PDZD4: variants seen among roughly 807,000 people sequenced by gnomAD.
The protein encoded by PDZD4 is PDZ domain-containing protein 4.
In PDZD4, 9 loss-of-function variants were observed where a neutral mutation model predicts 38.5. That is an observed-to-expected ratio of 0.23 (90% CI 0.14 to 0.41). The LOEUF is 0.41. Ranked by LOEUF, PDZD4 falls within the 10% of genes least tolerant of loss-of-function variation. The pLI is 1.00. For missense variants in PDZD4, 612 were observed against 722.0 expected (o/e 0.85, Z 1.75); for synonymous variants, 349 against 315.7 (o/e 1.11, Z -1.12).
rs781820579 is a variant in PDZD4, at chrX:153,820,628, A to T, written c.60+9611T>A. Among the ~76,000 whole-genome samples the T allele has an allele frequency of 1.9e-3, 216 of 111,773 alleles. 1 individual carries two copies. Among genetic ancestry groups the T allele is most frequent in the African/African-American group, 6.2e-3 (191 of 30,758 alleles). ...ATGTCTCCTCTCTAATCTAGAAAAA[A>T]ATATATATATTTTTTACTTTAATGG... On this transcript the variant is annotated intron_variant, in intron 1 of 7. Coordinates refer to ENST00000393758, the MANE Select transcript of PDZD4 (RefSeq NM_001303512.2).
In PDZD4 at chrX:153,804,525, C is replaced by T. The variant is rs782411082; in HGVS notation, c.1156G>A (p.Ala386Thr). 13 of 1,208,573 alleles carry T rather than the reference C, an allele frequency of 1.1e-5. No homozygotes were observed. In the East Asian group the frequency reaches 3.8e-4, roughly 36 times the overall value. ...GNQLGLLFPRASGGNSALDVN... is the reference protein window; with the variant it reads ...GNQLGLLFPRTSGGNSALDVN... ...TCCAGGGCGCTGTTGCCTCCGGAGG[C>T]CCGGGGAAAGAGGAGGCCCAGCTGG... The change falls in exon 8 of 8, where the codon GCC becomes ACC. Residue 386 changes from alanine to threonine, a missense_variant. Ala to Thr is a moderately conservative substitution (Grantham distance 58). Coordinates refer to ENST00000393758, the MANE Select transcript of PDZD4 (RefSeq NM_001303512.2).
At chrX:153,823,599 G>T (rs782056209) in intron 1 of PDZD4, among the ~76,000 whole-genome samples, 2 of 110,096 alleles carry the variant, frequency 1.8e-5, no homozygotes, top group African/African-American at 6.6e-5. Context: ...TGATCCACCC[G>T]CCTCGGCCTC....
In PDZD4 at chrX:153,802,956, G is replaced by T. The variant is rs1394586601; in HGVS notation, c.*397C>A. On this transcript the variant is annotated 3_prime_UTR_variant, in exon 8 of 8. Transcript: ENST00000393758. ...CAGCAGCGAAGCCGGACACTCTCTT[G>T]TGCTCCTTTCAGCTCAGCTTCCCTG... 1 of 137,609 alleles carries T rather than the reference G, an allele frequency of 7.3e-6. No individual in the cohort carries two copies. The highest frequency in any genetic ancestry group is 1.4e-5 in the Non-Finnish European group (1 of 69,873). 11.3% of individuals were successfully genotyped at this position (137,609 alleles called of 1,213,427 possible). A position where few individuals can be genotyped will look rare whatever the true frequency, so the allele number is the denominator to read the frequency against.
rs192542807 is a variant in PDZD4 at position 153,830,224 on chromosome X, C to T, written c.60+15G>A. ...GCGGAGGGCCGCGCCCCCGCCGCAG[C>T]GCCGGCGGCCCTACCTGCAGCATCA... On this transcript the variant is annotated intron_variant, in intron 1 of 7. Coordinates refer to ENST00000393758, the MANE Select transcript of PDZD4 (RefSeq NM_001303512.2). 1.7e-6 allele frequency: 2 copies of T among 1,190,045 alleles called. No individual in the cohort carries two copies.
chrX:153,803,415 C>T lies in PDZD4; in HGVS notation c.2266G>A (p.Gly756Ser). ...WITIQEMLAHGARSADGKRVY... is the reference protein window; with the variant it reads ...WITIQEMLAHSARSADGKRVY... ...CGCTTGCCATCGGCGGAGCGCGCGC[C>T]GTGGGCCAGCATCTCCTGGATGGTG... Residue 756 changes from glycine to serine, a missense_variant, in exon 8 of 8, where the codon GGC becomes AGC. Physicochemically the swap from Gly to Ser is moderately conservative, Grantham distance 56. Transcript: ENST00000393758. 8.7e-7 allele frequency: 1 copy of T among 1,145,479 alleles called. No homozygotes were observed. Among genetic ancestry groups the T allele is most frequent in the Non-Finnish European group, 1.2e-6 (1 of 864,660 alleles). The allele number at this position is 1,145,479 out of a possible 1,213,427, so 94.4% of individuals were successfully genotyped here. A position where few individuals can be genotyped will look rare whatever the true frequency, so the allele number is the denominator to read the frequency against.
intron 5 of PDZD4, 139 bp downstream of exon 5, chrX:153,805,932 C>G (rs782785329): frequency 3.1e-6 from 2 of 645,498 alleles, no homozygotes; most frequent in African/African-American, 2.2e-5. Context: ...AGACTCAGCC[C>G]GGGTTTAGGA....
rs1264278148 is a variant in PDZD4 at position 153,808,120 on chromosome X, A to C, written c.314+222T>G. 3 of 1,070,515 alleles carry C rather than the reference A, an allele frequency of 2.8e-6. No homozygotes were observed. The African/African-American group carries it at 5.6e-5, about 20-fold the overall frequency. The allele number at this position is 1,070,515 out of a possible 1,213,427, so 88.2% of individuals were successfully genotyped here. A position where few individuals can be genotyped will look rare whatever the true frequency, so the allele number is the denominator to read the frequency against. On this transcript the variant is annotated intron_variant, in intron 2 of 7. Coordinates refer to ENST00000393758, the MANE Select transcript of PDZD4 (RefSeq NM_001303512.2). ...CACTTCCGGCAGCGACGTCCCGGAC[A>C]GGAGGGTCCTCCCTCGGCCCTGGGG... is the stretch of plus-strand genomic sequence containing the variant.
chrX:153,823,379 C>T (rs1311022755), intron 1 of PDZD4, among the ~76,000 whole-genome samples: 3 of 110,583 alleles, frequency 2.7e-5, no homozygotes, highest in Non-Finnish European at 5.7e-5. Flanking sequence ...TCACCATGCC[C>T]GGCTAATTTT....
rs956589189 is a variant in PDZD4 at position 153,803,154 on chromosome X, G to A, written c.*199C>T. The A allele has an allele frequency of 7.0e-5, 22 of 313,232 alleles. No individual in the cohort carries two copies. Among genetic ancestry groups the A allele is most frequent in the Non-Finnish European group, 1.0e-4 (19 of 183,223 alleles). 25.8% of individuals were successfully genotyped at this position (313,232 alleles called of 1,213,427 possible). The stretch of plus-strand genomic sequence containing the variant: ...GCATGGTCACTTTACTTGGGCAGAA[G>A]GAAGAAAAGCGTCCCTTCTCCTCAG... On this transcript the variant is annotated 3_prime_UTR_variant, in exon 8 of 8. Coordinates refer to ENST00000393758, the MANE Select transcript of PDZD4 (RefSeq NM_001303512.2).
intron 1 of PDZD4, among the ~76,000 whole-genome samples, chrX:153,817,833 A>G (rs1376449946): frequency 1.8e-5 from 2 of 112,247 alleles, no homozygotes; most frequent in African/African-American, 6.5e-5. Context: ...GAACTTCCCG[A>G]GGCATGTGGA....
chrX:153,807,637 A>G (rs1603262473), intron 2 of PDZD4, among the ~76,000 whole-genome samples: 1 of 56,103 alleles, frequency 1.8e-5, no homozygotes, highest in Non-Finnish European at 3.5e-5. Flanking sequence ...CCCAGACCAG[A>G]ACTCCTCCAA....
chrX:153,814,739 C>T (rs1557079497), intron 1 of PDZD4, among the ~76,000 whole-genome samples: 1 of 111,018 alleles, frequency 9.0e-6, no homozygotes, highest in African/African-American at 3.3e-5. Flanking sequence ...TGTCCCCCCT[C>T]GCCCAGGTTC....
chrX:153,807,409 C>A, intron 2 of PDZD4, 40 bp from the exon 3 acceptor site: 2 of 1,128,467 alleles, frequency 1.8e-6, no homozygotes, highest in Non-Finnish European at 2.4e-6. Context: ...GCTGGCCATC[C>A]TCTCACACCT....
At chrX:153,823,260 C>T (rs922970743) in intron 1 of PDZD4, among the ~76,000 whole-genome samples, 2 of 106,215 alleles carry the variant, frequency 1.9e-5, no homozygotes, top group Admixed American at 2.0e-4. Context: ...AGTTTCGAGC[C>T]CAAGCTGGAG....
At chrX:153,828,453 C>G (rs2064504594) in intron 1 of PDZD4, among the ~76,000 whole-genome samples, 2 of 112,934 alleles carry the variant, frequency 1.8e-5, no homozygotes, top group Admixed American at 1.9e-4. Context: ...GGCAGTGGCC[C>G]TCCTCCTGGC....
chrX:153,809,535 C>G (rs782578798), intron 1 of PDZD4, among the ~76,000 whole-genome samples: 2 of 112,271 alleles, frequency 1.8e-5, no homozygotes, highest in Non-Finnish European at 3.8e-5. Flanking sequence ...TGCAGTGAGC[C>G]GAGATCGCAC....
At chrX:153,807,626 C>T in intron 2 of PDZD4, among the ~76,000 whole-genome samples, 1 of 89,426 alleles carries the variant, frequency 1.1e-5, no homozygotes, top group East Asian at 1.0e-3. Context: ...CGTTCCCGTC[C>T]CCCAGACCAG....
rs2092178807 is a variant in PDZD4, at chrX:153,802,545, C to CCCTGCAGGACCCCTCCGTT, written c.*789_*807dup. 9.0e-6 allele frequency: 1 copy of CCCTGCAGGACCCCTCCGTT among 111,675 alleles called. No homozygotes were observed. Among genetic ancestry groups the CCCTGCAGGACCCCTCCGTT allele is most frequent in the East Asian group, 2.8e-4 (1 of 3,570 alleles). The allele number at this position is 111,675 out of a possible 1,213,427, so 9.2% of individuals were successfully genotyped here. On this transcript the variant is annotated 3_prime_UTR_variant, in exon 8 of 8. Coordinates refer to ENST00000393758, the MANE Select transcript of PDZD4 (RefSeq NM_001303512.2). ...GGGCTCTGTGACTTCTTGGTGGACACCCTGCAGGACCCCTCCGTTCCTGCA... is the reference window on the plus strand; with the variant it reads ...GGGCTCTGTGACTTCTTGGTGGACACCCTGCAGGACCCCTCCGTTCCTGCAGGACCCCTCCGTTCCTGCA...
intron 1 of PDZD4, among the ~76,000 whole-genome samples, chrX:153,824,324 T>G (rs1298042952): frequency 9.0e-6 from 1 of 111,408 alleles, no homozygotes; most frequent in African/African-American, 3.3e-5. Flanking sequence ...TGTCCAGCCC[T>G]CTGTTCTTCC....
Sources: allele counts gnomAD v4.1 joint callset (sites outside exome capture counted in the v4.1 genomes callset), GRCh38; gene constraint gnomAD v4.1.1; transcripts MANE v1.5; gene names NCBI Gene and HGNC (gene_info 2026-07-23, HGNC 2026-07-21).